Variants in METAP1 observed in about 807,000 individuals in gnomAD.
METAP1 encodes methionyl aminopeptidase 1.
METAP1 carries 28 observed loss-of-function variants against 53.8 expected under a neutral mutation model. The observed-to-expected ratio is 0.52, with a 90% CI of 0.39 to 0.71. The LOEUF is 0.71. METAP1 is among the 30% of genes least tolerant of loss of function. The probability of loss-of-function intolerance (pLI) is 0.00; values close to 1 mark genes in which losing one functional copy is unlikely to be tolerated. For synonymous variants in METAP1, 181 were observed against 165.7 expected, an observed-to-expected ratio of 1.09 and a Z score of -0.71; for missense variants, 389 against 479.8, an observed-to-expected ratio of 0.81 and a Z score of 1.77.
At chr4:99,019,059 A>G (rs1460788389) in intron 1 of METAP1, among the ~76,000 whole-genome samples, 2 of 152,146 alleles carry the variant, frequency 1.3e-5, no homozygotes, top group Non-Finnish European at 2.9e-5. Flanking sequence ...CTTCCTAACA[A>G]ATTAGTGCCT....
chr4:99,026,618 C>T, intron 1 of METAP1: 3 of 985,310 alleles, frequency 3.0e-6, no homozygotes, highest in Non-Finnish European at 3.6e-6. Context: ...AAAGATTGCC[C>T]TGTTAAGGAG....
chr4:98,997,974 T>C (rs1722718161), intron 1 of METAP1, among the ~76,000 whole-genome samples: 1 of 152,212 alleles, frequency 6.6e-6, no homozygotes, highest in Admixed American at 6.5e-5. Context: ...AAAAACCCTA[T>C]CAAACAAAAC....
chr4:99,035,086 A>G (rs1438859922), intron 3 of METAP1, among the ~76,000 whole-genome samples: 1 of 152,192 alleles, frequency 6.6e-6, no homozygotes, highest in African/African-American at 2.4e-5. Context: ...ATGTTGGTAT[A>G]TATTTACTTT....
At chr4:99,003,557 A>C (rs188764780) in intron 1 of METAP1, among the ~76,000 whole-genome samples, 1 of 152,362 alleles carries the variant, frequency 6.6e-6, no homozygotes, top group African/African-American at 2.4e-5. Context: ...ATGATAGAGA[A>C]AAATGTGAAT....
At chr4:99,015,324 A>T (rs1723694995) in intron 1 of METAP1, among the ~76,000 whole-genome samples, 1 of 152,310 alleles carries the variant, frequency 6.6e-6, no homozygotes, top group South Asian at 2.1e-4. Flanking sequence ...AGCCGAGACT[A>T]CTGGGGTTGG....
At chr4:99,012,600 G>A (rs1459613326) in intron 1 of METAP1, among the ~76,000 whole-genome samples, 1 of 129,362 alleles carries the variant, frequency 7.7e-6, no homozygotes, top group Non-Finnish European at 1.7e-5. Flanking sequence ...TAGTGTATAT[G>A]TTTACAGCTG....
At chr4:99,041,584 C>T (rs933537639) in intron 6 of METAP1, among the ~76,000 whole-genome samples, 5 of 151,656 alleles carry the variant, frequency 3.3e-5, no homozygotes, top group African/African-American at 1.2e-4. Context: ...GATTGTCTGC[C>T]CATCAAAGAG....
At chr4:99,043,982 G>A (rs1429231024) in intron 7 of METAP1, among the ~76,000 whole-genome samples, 1 of 152,076 alleles carries the variant, frequency 6.6e-6, no homozygotes, top group African/African-American at 2.4e-5. Context: ...ACCCAGGCTC[G>A]AGTGCAGGGG....
chr4:99,027,333 G>T (rs1334860567), intron 1 of METAP1, among the ~76,000 whole-genome samples: 1 of 151,140 alleles, frequency 6.6e-6, no homozygotes, highest in Non-Finnish European at 1.5e-5. Context: ...GGGAAAAGGA[G>T]ATGGGGAAAT....
At chr4:99,048,227 AG>A (rs2110396822) in intron 8 of METAP1, among the ~76,000 whole-genome samples, 1 of 152,326 alleles carries the variant, frequency 6.6e-6, no homozygotes, top group South Asian at 2.1e-4. Context: ...TTGGCATGAA[AG>A]GAGGAACTAC....
At chr4:99,056,048 A>G (rs1727093883) in intron 9 of METAP1, among the ~76,000 whole-genome samples, 1 of 152,226 alleles carries the variant, frequency 6.6e-6, no homozygotes, top group Non-Finnish European at 1.5e-5. Context: ...GCAGCACGAT[A>G]GCTATTCATC....
intron 1 of METAP1, among the ~76,000 whole-genome samples, chr4:98,998,040 TTCAGGA>T (rs761859903): frequency 1.1e-4 from 17 of 152,260 alleles, no homozygotes; most frequent in Non-Finnish European, 1.6e-4. Flanking sequence ...CCTCATTGCT[TTCAGGA>T]TTCCAGCCCC....
chr4:99,000,987 T>G (rs765312358), intron 1 of METAP1, among the ~76,000 whole-genome samples: 18 of 152,136 alleles, frequency 1.2e-4, no homozygotes, highest in Non-Finnish European at 2.4e-4. Context: ...TGTGAGCCAC[T>G]GCACCTGGCT....
intron 1 of METAP1, chr4:99,022,548 G>C: frequency 1.6e-6 from 1 of 641,504 alleles, no homozygotes; most frequent in East Asian, 2.6e-5. Flanking sequence ...CAGCAAGAAA[G>C]CATTGTCCCC....
At chr4:99,016,499 C>T (rs1471469580) in intron 1 of METAP1, among the ~76,000 whole-genome samples, 1 of 152,152 alleles carries the variant, frequency 6.6e-6, no homozygotes, top group African/African-American at 2.4e-5. Flanking sequence ...AAGTGGGTCC[C>T]ATTATCTGAG....
chr4:99,048,416 C>T (rs1726432705), intron 8 of METAP1, among the ~76,000 whole-genome samples: 1 of 151,998 alleles, frequency 6.6e-6, no homozygotes, highest in African/African-American at 2.4e-5. Flanking sequence ...TCTCTTTTGC[C>T]CAGGCCAGAG....
chr4:99,013,940 T>G (rs1025068666), intron 1 of METAP1, among the ~76,000 whole-genome samples: 1 of 152,232 alleles, frequency 6.6e-6, no homozygotes, highest in African/African-American at 2.4e-5. Context: ...CTTTTTGTTT[T>G]ATAATTCTTC....
intron 9 of METAP1, among the ~76,000 whole-genome samples, chr4:99,056,083 C>G (rs184860292): frequency 1.2e-4 from 19 of 152,204 alleles, no homozygotes; most frequent in Non-Finnish European, 2.5e-4. Context: ...GGAATATAAA[C>G]GTGTAGGGGA....
At chr4:99,001,200 A>T (rs1722909666) in intron 1 of METAP1, among the ~76,000 whole-genome samples, 1 of 152,194 alleles carries the variant, frequency 6.6e-6, no homozygotes, top group Admixed American at 6.5e-5. Context: ...TTTTATTTAT[A>T]GGGATTTTCT....
Sources: gnomAD v4.1 joint callset for allele counts (sites outside exome capture counted in the v4.1 genomes callset) on GRCh38, gnomAD v4.1.1 for gene constraint, MANE v1.5 for transcripts, NCBI Gene and HGNC (gene_info 2026-07-23, HGNC 2026-07-21) for gene names.